The following PCSK2 variants were observed in gnomAD, a reference collection of about 807,000 sequenced individuals.
PCSK2 encodes the protein neuroendocrine convertase 2.
In PCSK2, 14 loss-of-function variants were observed where a neutral mutation model predicts 69.7. The observed-to-expected ratio is 0.20, with a 90% CI of 0.13 to 0.31. The LOEUF (loss-of-function observed/expected upper bound fraction) is 0.31, where lower values mean the gene tolerates loss of function less well. Ranked by LOEUF, PCSK2 falls within the 10% of genes least tolerant of loss-of-function variation. The pLI is 1.00. For synonymous variants in PCSK2, 307 were observed against 320.7 expected, an observed-to-expected ratio of 0.96 and a Z score of 0.46; for missense variants, 544 against 842.5, an observed-to-expected ratio of 0.65 and a Z score of 4.39.
intron 11 of PCSK2, among the ~76,000 whole-genome samples, chr20:17,473,258 T>C (rs2033237005): frequency 6.6e-6 from 1 of 152,068 alleles, no homozygotes; most frequent in Non-Finnish European, 1.5e-5. Flanking sequence ...CATGCCTGAC[T>C]AATTTTTGTG....
At chr20:17,395,940 A>G (rs1325479656) in intron 5 of PCSK2, among the ~76,000 whole-genome samples, 1 of 152,194 alleles carries the variant, frequency 6.6e-6, no homozygotes, top group Non-Finnish European at 1.5e-5. Context: ...GGGGAGGGCT[A>G]TAAACTAGTG....
intron 2 of PCSK2, among the ~76,000 whole-genome samples, chr20:17,290,588 C>G (rs1988664383): frequency 6.6e-6 from 1 of 152,168 alleles, no homozygotes; most frequent in Non-Finnish European, 1.5e-5. Context: ...CCTGGTCATA[C>G]TCTCAAGAGA....
intron 2 of PCSK2, among the ~76,000 whole-genome samples, chr20:17,324,030 T>C (rs1989961268): frequency 6.6e-6 from 1 of 152,198 alleles, no homozygotes; most frequent in South Asian, 2.1e-4. Context: ...AATACCCCAG[T>C]TCCCTCCTCC....
chr20:17,473,253 C>G (rs948260300), intron 11 of PCSK2, among the ~76,000 whole-genome samples: 13 of 152,096 alleles, frequency 8.5e-5, no homozygotes, highest in Non-Finnish European at 1.5e-5. Context: ...ACCACCATGC[C>G]TGACTAATTT....
chr20:17,438,088 G>GAA (rs2032523244), intron 8 of PCSK2, among the ~76,000 whole-genome samples: 3 of 152,178 alleles, frequency 2.0e-5, no homozygotes, highest in Non-Finnish European at 4.4e-5. Flanking sequence ...GTTGTCTGGT[G>GAA]TTAAGTGAGG....
chr20:17,263,051 T>C (rs1987454056), intron 2 of PCSK2: 1 of 612,996 alleles, frequency 1.6e-6, no homozygotes, highest in South Asian at 7.3e-5. Context: ...TCTGAGCTGC[T>C]ATTCGCTTTC....
intron 2 of PCSK2, among the ~76,000 whole-genome samples, chr20:17,318,517 G>A (rs1194732395): frequency 6.6e-6 from 1 of 152,210 alleles, no homozygotes; most frequent in African/African-American, 2.4e-5. Flanking sequence ...CATTGTATAT[G>A]AGTTGGGTAA....
intron 2 of PCSK2, among the ~76,000 whole-genome samples, chr20:17,262,742 C>G (rs912584965): frequency 1.3e-5 from 2 of 152,134 alleles, no homozygotes; most frequent in Non-Finnish European, 2.9e-5. Context: ...CACATTCAAA[C>G]AGGTTGCAAA....
At chr20:17,368,867 T>C (rs1045699605) in intron 4 of PCSK2, among the ~76,000 whole-genome samples, 3 of 152,218 alleles carry the variant, frequency 2.0e-5, no homozygotes, top group Non-Finnish European at 2.9e-5. Flanking sequence ...TCCATTGCTG[T>C]CCATGCCCTG....
chr20:17,317,259 AG>A (rs1989717421), intron 2 of PCSK2, among the ~76,000 whole-genome samples: 1 of 152,218 alleles, frequency 6.6e-6, no homozygotes, highest in Admixed American at 6.5e-5. Flanking sequence ...GGTGGGCATG[AG>A]GGAGAGAAAT....
intron 10 of PCSK2, among the ~76,000 whole-genome samples, chr20:17,459,300 T>G (rs2032974684): frequency 6.6e-6 from 1 of 152,178 alleles, no homozygotes; most frequent in Admixed American, 6.5e-5. Flanking sequence ...TCATTCTCAT[T>G]GTTGAATATC....
intron 2 of PCSK2, among the ~76,000 whole-genome samples, chr20:17,311,928 A>G (rs7271344): frequency 0.034 from 5,152 of 152,174 alleles, 272 homozygotes; most frequent in African/African-American, 0.11. Context: ...TAGGGATAGT[A>G]TTTCTCTCTC....
In PCSK2 at chr20:17,337,269, C is replaced by T. The variant is rs903874054; in HGVS notation, c.283-21058C>T. Among the ~76,000 whole-genome samples, 5 of 152,318 alleles carry T rather than the reference C, an allele frequency of 3.3e-5. No individual in the cohort carries two copies. The East Asian group carries it at 7.7e-4, about 24-fold the overall frequency. On this transcript the variant is annotated intron_variant, in intron 2 of 11. Coordinates refer to ENST00000262545, the MANE Select transcript of PCSK2 (RefSeq NM_002594.5). ...ACAAAGGAGAATCCCCAGAGAGTGA[C>T]ACTTTTTCATGATTTTGTCAGATAC...
At chr20:17,268,060 T>TATATATATATAA (rs1395373344) in intron 2 of PCSK2, among the ~76,000 whole-genome samples, 2 of 146,232 alleles carry the variant, frequency 1.4e-5, no homozygotes, top group African/African-American at 2.5e-5. Flanking sequence ...TATATATATA[T>TATATATATATAA]ATAATGCATT....
At chr20:17,405,939 T>G (rs1048463575) in intron 5 of PCSK2, among the ~76,000 whole-genome samples, 2 of 152,314 alleles carry the variant, frequency 1.3e-5, no homozygotes, top group African/African-American at 4.8e-5. Flanking sequence ...TTCTTAATGA[T>G]GACTCTGAAT....
intron 2 of PCSK2, among the ~76,000 whole-genome samples, chr20:17,307,172 C>T (rs1600474785): frequency 6.6e-6 from 1 of 152,110 alleles, no homozygotes; most frequent in Admixed American, 6.6e-5. Context: ...ACCCTACTTG[C>T]CAAGCACTGA....
intron 1 of PCSK2, among the ~76,000 whole-genome samples, chr20:17,259,583 C>T (rs1306319033): frequency 6.6e-6 from 1 of 152,204 alleles, no homozygotes; most frequent in African/African-American, 2.4e-5. Context: ...TTCTCCAAGA[C>T]TCTTAGAGGC....
chr20:17,333,165 G>A (rs1990247345), intron 2 of PCSK2, among the ~76,000 whole-genome samples: 1 of 152,118 alleles, frequency 6.6e-6, no homozygotes, highest in Non-Finnish European at 1.5e-5. Context: ...CATACTGTTT[G>A]CAACTTTCAA....
At chr20:17,435,682 C>G (rs1021595596) in intron 7 of PCSK2, among the ~76,000 whole-genome samples, 1 of 152,190 alleles carries the variant, frequency 6.6e-6, no homozygotes, top group Non-Finnish European at 1.5e-5. Context: ...ATTCCATAAT[C>G]GCAGTGGGTG....
Sources: allele counts gnomAD v4.1 joint callset (sites outside exome capture counted in the v4.1 genomes callset), GRCh38; gene constraint gnomAD v4.1.1; transcripts MANE v1.5; gene names NCBI Gene and HGNC (gene_info 2026-07-23, HGNC 2026-07-21).